Variants in UNC5D observed in about 807,000 individuals in gnomAD.
UNC5D encodes the protein unc-5 netrin receptor D, also known as netrin receptor UNC5D.
UNC5D carries 39 observed loss-of-function variants against 105.4 expected under a neutral mutation model. The observed-to-expected ratio is 0.37, with a 90% CI of 0.29 to 0.48. The LOEUF is 0.48. Among genes scored for constraint, UNC5D ranks in the 20% least tolerant of loss-of-function variants. The pLI is 0.98. For missense variants in UNC5D, 991 were observed against 1,202.4 expected (o/e 0.82, Z 2.60); for synonymous variants, 452 against 450.4 (o/e 1.00, Z -0.04).
At chr8:35,709,858 A>G (rs192065216) in intron 8 of UNC5D, among the ~76,000 whole-genome samples, 119 of 152,282 alleles carry the variant, frequency 7.8e-4, no homozygotes, top group African/African-American at 2.7e-3. Flanking sequence ...CTGAGGGCCA[A>G]AAGGAGACCA....
intron 1 of UNC5D, among the ~76,000 whole-genome samples, chr8:35,472,122 G>T (rs1809776646): frequency 6.6e-6 from 1 of 152,180 alleles, no homozygotes; most frequent in Non-Finnish European, 1.5e-5. Flanking sequence ...CAAATCTATT[G>T]TAAGAAGGCA....
At chr8:35,732,003 T>C (rs1829220057) in intron 11 of UNC5D, among the ~76,000 whole-genome samples, 2 of 152,304 alleles carry the variant, frequency 1.3e-5, no homozygotes, top group African/African-American at 4.8e-5. Flanking sequence ...TTTTTGGAAA[T>C]GTTGTCTTCC....
chr8:35,347,897 T>G (rs1811919366), intron 1 of UNC5D, among the ~76,000 whole-genome samples: 1 of 152,028 alleles, frequency 6.6e-6, no homozygotes, highest in South Asian at 2.1e-4. Context: ...AAAACACGAA[T>G]GAAGATCTAA....
chr8:35,452,371 TCTC>T, intron 1 of UNC5D, among the ~76,000 whole-genome samples: 1 of 152,192 alleles, frequency 6.6e-6, no homozygotes, highest in Non-Finnish European at 1.5e-5. Flanking sequence ...TTCAAGCCAT[TCTC>T]CTGCCTCAGC....
intron 2 of UNC5D, among the ~76,000 whole-genome samples, chr8:35,549,869 A>AAGC (rs941439051): frequency 6.6e-6 from 1 of 152,034 alleles, no homozygotes; most frequent in African/African-American, 2.4e-5. Flanking sequence ...ACCCCTTGTT[A>AAGC]AGCAGCATGA....
intron 1 of UNC5D, among the ~76,000 whole-genome samples, chr8:35,342,045 C>T (rs1811490923): frequency 6.6e-6 from 1 of 152,076 alleles, no homozygotes; most frequent in Non-Finnish European, 1.5e-5. Flanking sequence ...AATCTTATAA[C>T]ATCTGAAAAA....
At chr8:35,269,755 A>G (rs186861537) in intron 1 of UNC5D, among the ~76,000 whole-genome samples, 3 of 152,154 alleles carry the variant, frequency 2.0e-5, no homozygotes, top group Admixed American at 2.0e-4. Context: ...AGTCTATTTC[A>G]TTTCATCTGA....
intron 16 of UNC5D, among the ~76,000 whole-genome samples, chr8:35,778,181 A>T (rs1802343551): frequency 1.3e-5 from 2 of 152,234 alleles, no homozygotes; most frequent in African/African-American, 4.8e-5. Flanking sequence ...GAAATATTTT[A>T]ACAGGGCCTT....
intron 12 of UNC5D, among the ~76,000 whole-genome samples, chr8:35,750,261 G>T (rs923311136): frequency 8.6e-5 from 13 of 151,682 alleles, no homozygotes; most frequent in African/African-American, 3.1e-4. Context: ...CCTCAGACCC[G>T]ACCTGACCCC....
chr8:35,240,802 G>A (rs1159027552), intron 1 of UNC5D, among the ~76,000 whole-genome samples: 1 of 152,102 alleles, frequency 6.6e-6, no homozygotes, highest in East Asian at 1.9e-4. Context: ...CCTTAAATAA[G>A]TCTATAAATA....
intron 1 of UNC5D, among the ~76,000 whole-genome samples, chr8:35,433,734 A>T (rs1362997838): frequency 6.6e-6 from 1 of 151,904 alleles, no homozygotes; most frequent in African/African-American, 2.4e-5. Context: ...CTGTAATCCC[A>T]GCTACTTAGG....
intron 1 of UNC5D, among the ~76,000 whole-genome samples, chr8:35,407,507 TTGTA>T (rs59074158): frequency 0.021 from 3,207 of 150,888 alleles, 73 homozygotes; most frequent in Admixed American, 0.07. Flanking sequence ...AGGTTTTCAT[TTGTA>T]TGTATGTATG....
intron 1 of UNC5D, among the ~76,000 whole-genome samples, chr8:35,501,045 T>A (rs1811933150): frequency 6.6e-6 from 1 of 152,184 alleles, no homozygotes; most frequent in African/African-American, 2.4e-5. Flanking sequence ...CTGACTTGTT[T>A]GCCAGTGGTT....
At chr8:35,719,987 G>A (rs1332895068) in intron 8 of UNC5D, among the ~76,000 whole-genome samples, 1 of 152,150 alleles carries the variant, frequency 6.6e-6, no homozygotes, top group African/African-American at 2.4e-5. Flanking sequence ...AACACACTGA[G>A]CCATATCAAA....
intron 1 of UNC5D, among the ~76,000 whole-genome samples, chr8:35,296,798 T>C (rs1807526262): frequency 6.6e-6 from 1 of 152,198 alleles, no homozygotes; most frequent in Non-Finnish European, 1.5e-5. Context: ...ATTGGTTGAT[T>C]ACATTCTGTG....
chr8:35,598,390 A>G (rs1443745822), intron 4 of UNC5D, among the ~76,000 whole-genome samples: 2 of 152,106 alleles, frequency 1.3e-5, no homozygotes, highest in Non-Finnish European at 2.9e-5. Flanking sequence ...AAGGTGAAAG[A>G]TTTTTCACAA....
chr8:35,570,459 G>A (rs1313819817), intron 3 of UNC5D, among the ~76,000 whole-genome samples: 4 of 151,942 alleles, frequency 2.6e-5, no homozygotes, highest in African/African-American at 7.3e-5. Context: ...ATCAATCATC[G>A]GCTATTATTT....
Position 35,748,587 on chromosome 8 carries a change from C to G in UNC5D, c.1827C>G (p.Asp609Glu). ...LSPEVTCGPP[D>E]MIVTTPFALT... ...CTGAAGTCACCTGTGGTCCTCCAGA[C>G]ATGATCGTCACCACTCCCTTTGCAT... Residue 609 changes from aspartate (D) to glutamate (E), a missense_variant, in exon 12 of 17, where the codon GAC (aspartate) becomes GAG (glutamate). Asp to Glu is a conservative substitution (Grantham distance 45). Coordinates refer to ENST00000404895, the MANE Select transcript of UNC5D (RefSeq NM_080872.4). 1 of 1,614,102 alleles carries G rather than the reference C, an allele frequency of 6.2e-7. No individual in the cohort carries two copies. Among genetic ancestry groups the G allele is most frequent in the Non-Finnish European group, 8.5e-7 (1 of 1,179,962 alleles).
At chr8:35,643,888 A>G (rs1822899698) in intron 4 of UNC5D, among the ~76,000 whole-genome samples, 1 of 152,196 alleles carries the variant, frequency 6.6e-6, no homozygotes, top group African/African-American at 2.4e-5. Context: ...CCTGCTCTTC[A>G]TCAGTCTCAG....
Sources: gnomAD v4.1 joint callset for allele counts (sites outside exome capture counted in the v4.1 genomes callset) on GRCh38, gnomAD v4.1.1 for gene constraint, MANE v1.5 for transcripts, NCBI Gene and HGNC (gene_info 2026-07-23, HGNC 2026-07-21) for gene names.